Variants in PSD3 observed in about 807,000 individuals in gnomAD.
PSD3 encodes the protein pleckstrin and Sec7 domain containing 3.
PSD3 carries 49 observed loss-of-function variants against 105.5 expected under a neutral mutation model. The ratio of observed to expected loss-of-function variants is 0.46; its 90% CI spans 0.37 to 0.59. The LOEUF is 0.59. Among genes scored for constraint, PSD3 ranks in the 20% least tolerant of loss-of-function variants. The pLI is 0.00. For missense variants in PSD3, 1,561 were observed against 1,263.8 expected, an observed-to-expected ratio of 1.24 and a Z score of -3.57; for synonymous variants, 557 against 457.8, an observed-to-expected ratio of 1.22 and a Z score of -2.77.
At chr8:19,084,573 C>T (rs977991611) in exon 1 of PSD3, 1 of 371,578 alleles carries the variant, frequency 2.7e-6, no homozygotes, top group Non-Finnish European at 5.4e-6. Context: ...GGGCTGTAGC[C>T]AGCCCAGTGT....
At position 19,040,722 on chromosome 8, in the gene PSD3, T is replaced by C. The variant is rs551500017; in HGVS notation, c.324+43484A>G. 8.5e-5 allele frequency among the ~76,000 whole-genome samples: 13 copies of C among 152,238 alleles called. 1 individual carries two copies. Among genetic ancestry groups the C allele is most frequent in the Admixed American group, 3.9e-4 (6 of 15,278 alleles). On this transcript the variant is annotated intron_variant, in intron 1 of 1. Transcript: ENST00000521475. The stretch of plus-strand genomic sequence containing the variant: ...TCACAGTGGCTTGGACCAGAATATA[T>C]TGGTGCAAGTGATGAGCTTACTGAA...
intron 11 of PSD3, among the ~76,000 whole-genome samples, chr8:18,613,313 T>C (rs553171590): frequency 6.6e-6 from 1 of 151,870 alleles, no homozygotes; most frequent in South Asian, 2.1e-4. Flanking sequence ...GAGGAGGGGG[T>C]GGGGCCTTGG....
chr8:18,881,857 G>A (rs1251384396), intron 2 of PSD3, among the ~76,000 whole-genome samples: 1 of 152,096 alleles, frequency 6.6e-6, no homozygotes, highest in East Asian at 1.9e-4. Context: ...AGCAAAATGG[G>A]TATTTTTGTT....
intron 1 of PSD3, among the ~76,000 whole-genome samples, chr8:18,957,943 G>C (rs1446740175): frequency 6.6e-6 from 1 of 152,090 alleles, no homozygotes; most frequent in Non-Finnish European, 1.5e-5. Context: ...AGTGTAAGGA[G>C]GTATAACCTT....
rs1381141185 is a variant in PSD3 at position 18,648,878 on chromosome 8, A to T, written c.2216+6764T>A. On this transcript the variant is annotated intron_variant, in intron 10 of 15. Coordinates refer to ENST00000327040, the MANE Select transcript of PSD3 (RefSeq NM_015310.4). ...TCAAGCTGTCACTCCAGAGAGTGTA[A>T]GCCATAAGCCTTGGTGGCTTCCACA... 2.0e-5 allele frequency among the ~76,000 whole-genome samples: 3 copies of T among 152,252 alleles called. No individual in the cohort carries two copies. In the East Asian group the frequency reaches 5.8e-4, roughly 29 times the overall value.
At position 18,843,228 on chromosome 8, in the gene PSD3, G is replaced by A. The variant is rs377746884; in HGVS notation, c.1634+24446C>T. Among the ~76,000 whole-genome samples, 116 of 151,998 alleles carry A rather than the reference G, an allele frequency of 7.6e-4. 2 individuals are homozygous for A. The South Asian group carries it at 0.024, about 31-fold the overall frequency. On this transcript the variant is annotated intron_variant, in intron 4 of 15. Coordinates refer to ENST00000327040, the MANE Select transcript of PSD3 (RefSeq NM_015310.4). ...ACAAAAAAATTAGCCAGGTGCGGTG[G>A]CAGGCGCCTGTAGTCCCAGCTATTC...
rs564730342 is a variant in PSD3 at position 18,763,620 on chromosome 8, G to C, written c.2172+1829C>G. ...AGAAAGTAAAAGACAGAAATAAAAA[G>C]AAACCAGGAGAAAAGGAAGGCAGGA... On this transcript the variant is annotated intron_variant, in intron 9 of 15. Transcript: ENST00000327040. Among the ~76,000 whole-genome samples the C allele has an allele frequency of 3.4e-4, 51 of 152,104 alleles. 1 individual carries two copies. Among genetic ancestry groups the C allele is most frequent in the African/African-American group, 1.2e-3 (51 of 41,524 alleles).
intron 2 of PSD3, among the ~76,000 whole-genome samples, chr8:18,918,604 C>G (rs6999221): frequency 5.3e-5 from 8 of 152,106 alleles, no homozygotes; most frequent in African/African-American, 1.9e-4. Flanking sequence ...ACTTGACATA[C>G]TAATAAACAA....
chr8:18,599,127 G>C (rs1007981905), intron 12 of PSD3, among the ~76,000 whole-genome samples: 2 of 151,998 alleles, frequency 1.3e-5, no homozygotes, highest in Admixed American at 6.6e-5. Flanking sequence ...GAAGAACAAA[G>C]CTGTAGGCCT....
chr8:18,749,917 A>G (rs1376217697), intron 9 of PSD3, among the ~76,000 whole-genome samples: 1 of 152,186 alleles, frequency 6.6e-6, no homozygotes, highest in African/African-American at 2.4e-5. Flanking sequence ...AATGAACTTG[A>G]AGCAGATTCA....
At chr8:18,913,800 A>G (rs778217153) in intron 2 of PSD3, among the ~76,000 whole-genome samples, 16 of 150,978 alleles carry the variant, frequency 1.1e-4, no homozygotes, top group Admixed American at 5.3e-4. Context: ...TAAAGATCCT[A>G]CCTCTACCAC....
chr8:18,699,726 A>G (rs1288477976), intron 9 of PSD3, among the ~76,000 whole-genome samples: 1 of 150,510 alleles, frequency 6.6e-6, no homozygotes, highest in Non-Finnish European at 1.5e-5. Context: ...AAACTTTTGG[A>G]TAGGCATGGT....
chr8:18,863,114 C>T (rs2131181), intron 4 of PSD3, among the ~76,000 whole-genome samples: 107,426 of 151,998 alleles, frequency 0.71, 38,496 homozygotes, highest in East Asian at 0.98. Flanking sequence ...TTCATATATT[C>T]CAAAGAACCA....
chr8:18,704,241 T>C lies in PSD3; in HGVS notation c.2173-48556A>G, dbSNP rs377285174. ...GCTTTACTCTGGACATTTATTTTTC[T>C]TACTAGACTCTAAATGAAGAATCTC... On this transcript the variant is annotated intron_variant, in intron 9 of 15. Transcript: ENST00000327040. 1.8e-4 allele frequency among the ~76,000 whole-genome samples: 28 copies of C among 152,356 alleles called. No individual in the cohort carries two copies. The East Asian group carries it at 4.6e-3, about 25-fold the overall frequency.
intron 10 of PSD3, among the ~76,000 whole-genome samples, chr8:18,636,629 G>A (rs1215395091): frequency 6.6e-6 from 1 of 151,968 alleles, no homozygotes; most frequent in East Asian, 1.9e-4. Context: ...CTCCATTCAT[G>A]GTAAAGTGCC....
intron 9 of PSD3, among the ~76,000 whole-genome samples, chr8:18,680,058 G>A (rs1800294685): frequency 6.6e-6 from 1 of 152,146 alleles, no homozygotes; most frequent in South Asian, 2.1e-4. Flanking sequence ...CACGTAGTTT[G>A]GCAAGAGATG....
At chr8:18,907,995 G>A (rs1173002467) in intron 2 of PSD3, among the ~76,000 whole-genome samples, 6 of 152,278 alleles carry the variant, frequency 3.9e-5, no homozygotes. Context: ...ACGTGAAATG[G>A]TTAAAATCAA....
intron 14 of PSD3, among the ~76,000 whole-genome samples, chr8:18,560,211 A>ACACACAC (rs1563322125): frequency 2.3e-4 from 30 of 130,428 alleles, no homozygotes; most frequent in African/African-American, 8.8e-4. Context: ...CACACACACA[A>ACACACAC]ACAAAAAAAC....
chr8:18,673,957 C>T (rs1282977192), intron 9 of PSD3, among the ~76,000 whole-genome samples: 1 of 152,046 alleles, frequency 6.6e-6, no homozygotes, highest in East Asian at 1.9e-4. Context: ...ACCTGGGAAA[C>T]AAAACAAGAC....
Sources: allele counts gnomAD v4.1 joint callset (sites outside exome capture counted in the v4.1 genomes callset), GRCh38; gene constraint gnomAD v4.1.1; transcripts MANE v1.5; gene names NCBI Gene and HGNC (gene_info 2026-07-23, HGNC 2026-07-21).